The following NEB variants were observed in gnomAD, a reference collection of about 807,000 sequenced individuals.
NEB encodes the protein nemaline myopathy type 2.
A neutral mutation model predicts 952.2 loss-of-function variants in NEB; 512 were observed. That is an observed-to-expected ratio of 0.54 (90% CI 0.50 to 0.58). The LOEUF is 0.58. NEB is among the 20% of genes least tolerant of loss of function. NEB has a pLI of 0.00. For missense variants in NEB, 8,428 were observed against 9,231.1 expected, an observed-to-expected ratio of 0.91 and a Z score of 3.56; for synonymous variants, 2,900 against 3,149.8, an observed-to-expected ratio of 0.92 and a Z score of 2.66.
chr2:151,697,321 G>T (rs763686386), intron 15 of NEB, 29 bp downstream of exon 15: 25 of 1,610,198 alleles, frequency 1.6e-5, no homozygotes, highest in Non-Finnish European at 2.1e-5. Context: ...ATGTTATTTG[G>T]AAAGTCAAAC....
chr2:151,561,976 G>A (rs1412100758), intron 121 of NEB, 134 bp downstream of exon 121: 11 of 684,348 alleles, frequency 1.6e-5, no homozygotes, highest in African/African-American at 1.1e-4. Context: ...AGCTTTGATT[G>A]GGAGAGGAGG....
intron 4 of NEB, 91 bp downstream of exon 4, chr2:151,729,524 C>T (rs2099800613): frequency 7.0e-7 from 1 of 1,423,028 alleles, no homozygotes. Flanking sequence ...ATCCCTTTTG[C>T]CATCTTTGTG....
At position 151,568,135 on chromosome 2, in the gene NEB, T is replaced by C. The variant is rs2096491604; in HGVS notation, c.17780A>G (p.Tyr5927Cys). ...TGGCACAGCATCTGGAGGCAAAATG[T>C]AACCTGTGGCTTTTTGTCTCTCCCA... Reference protein sequence around the residue: ...EGWERQKATGYILPPDAVPFV... With the variant: ...EGWERQKATGCILPPDAVPFV... Residue 5927 changes from tyrosine (Y) to cysteine (C), a missense_variant, in exon 113 of 182, where the codon TAC becomes TGC. Physicochemically the swap from Tyr to Cys is radical, Grantham distance 194. Around this residue, in one of 11 missense-constraint regions of NEB, gnomAD observed 3,374 missense variants for 3,651.5 expected, o/e 0.92. Coordinates refer to ENST00000397345, the MANE Select transcript of NEB (RefSeq NM_001164508.2). 6.2e-7 allele frequency: 1 copy of C among 1,613,638 alleles called. No individual in the cohort carries two copies. The highest frequency in any genetic ancestry group is 1.3e-5 in the African/African-American group (1 of 74,924).
chr2:151,612,056 G>T, intron 78 of NEB, 130 bp downstream of exon 78: 1 of 943,706 alleles, frequency 1.1e-6, no homozygotes, highest in Non-Finnish European at 1.6e-6. Flanking sequence ...CAGATGCTCT[G>T]TTAAAGGCCT....
rs1204244391 is a variant in NEB at position 151,601,268 on chromosome 2, C to T, written c.13477-515G>A. Among the ~76,000 whole-genome samples, 753 of 118,880 alleles carry T rather than the reference C, an allele frequency of 6.3e-3. 1 individual carries two copies. Among genetic ancestry groups the T allele is most frequent in the African/African-American group, 0.024 (720 of 29,394 alleles). The allele number at this position is 118,880 out of a possible 152,430, so 78.0% of individuals were successfully genotyped here. A position where few individuals can be genotyped will look rare whatever the true frequency, so the allele number is the denominator to read the frequency against. On this transcript the variant is annotated intron_variant, in intron 88 of 181. Coordinates refer to ENST00000397345, the MANE Select transcript of NEB (RefSeq NM_001164508.2). ...GGATTACAGGCATCCGCCACCATGC[C>T]CAGCTAATTTTTGTATTTTTAGTAG...
chr2:151,618,327 G>A lies in NEB; in HGVS notation c.11024C>T (p.Thr3675Met), dbSNP rs201426239. ...RPETLKFTSI[T>M]DTPEQVLAKN... ...TGCCAGCACCTGCTCCGGAGTGTCC[G>A]TTATACTGGTAAATTTCAGCGTTTC... Residue 3675 changes from threonine to methionine, a missense_variant, in exon 74 of 182, where the codon ACG (threonine) becomes ATG (methionine). Physicochemically the swap from Thr to Met is moderately conservative, Grantham distance 81. Coordinates refer to ENST00000397345, the MANE Select transcript of NEB (RefSeq NM_001164508.2). The A allele has an allele frequency of 9.2e-5, 149 of 1,613,948 alleles. 1 individual carries two copies. In the East Asian group the frequency reaches 1.2e-3, roughly 13 times the overall value.
At position 151,697,576 on chromosome 2, in the gene NEB, G is replaced by C; in HGVS notation, c.1225C>G (p.Leu409Val). ...CTGAAGTTCTGCAGAACAGTATCGA[G>C]CTTGAATTTGGGGGTCTCGCAGTAA... is the stretch of plus-strand genomic sequence containing the variant. ...INYCETPKFKLDTVLQNFSSD... is the reference protein window; with the variant it reads ...INYCETPKFKVDTVLQNFSSD... The change falls in exon 14 of 182, where the codon CTC becomes GTC. Residue 409 changes from leucine to valine, a missense_variant. Transcript: ENST00000397345. The C allele has an allele frequency of 6.2e-7, 1 of 1,613,290 alleles. No individual in the cohort carries two copies. Among genetic ancestry groups the C allele is most frequent in the Non-Finnish European group, 8.5e-7 (1 of 1,179,720 alleles).
At chr2:151,618,888 T>A (rs1416540887) in intron 73 of NEB, among the ~76,000 whole-genome samples, 2 of 152,130 alleles carry the variant, frequency 1.3e-5, no homozygotes, top group African/African-American at 4.8e-5. Flanking sequence ...TCACAAAACT[T>A]CAAGTGTATA....
rs1171805914 is a variant in NEB at position 151,628,736 on chromosome 2, C to T, written c.9831+803G>A. 2.0e-5 allele frequency among the ~76,000 whole-genome samples: 3 copies of T among 152,148 alleles called. No homozygotes were observed. The East Asian group carries it at 5.8e-4, about 29-fold the overall frequency. ...AATTAGCCAAGTGTGGTGGCTGGTGCCTGTAATCCCAGTTACTTGGGAGGC... is the reference window on the plus strand; with the variant it reads ...AATTAGCCAAGTGTGGTGGCTGGTGTCTGTAATCCCAGTTACTTGGGAGGC... On this transcript the variant is annotated intron_variant, in intron 68 of 181. Coordinates refer to ENST00000397345, the MANE Select transcript of NEB (RefSeq NM_001164508.2).
At chr2:151,495,952 C>T (rs182563044) in intron 173 of NEB, among the ~76,000 whole-genome samples, 68 of 152,256 alleles carry the variant, frequency 4.5e-4, no homozygotes, top group Admixed American at 2.3e-3. Flanking sequence ...CCACCCCACA[C>T]GTACCCGTCC....
intron 44 of NEB, 137 bp from the exon 45 acceptor site, chr2:151,663,996 G>A (rs2099175935): frequency 2.5e-6 from 2 of 798,826 alleles, no homozygotes; most frequent in Non-Finnish European, 3.8e-6. Flanking sequence ...CTCGTGAGAG[G>A]GAGGGAGCAA....
chr2:151,639,833 C>A, intron 62 of NEB, 24 bp downstream of exon 62: 1 of 1,582,414 alleles, frequency 6.3e-7, no homozygotes. Flanking sequence ...AGCCCCACTT[C>A]GATTCTTAAT....
chr2:151,555,281 C>T (rs1577320821), intron 124 of NEB, among the ~76,000 whole-genome samples: 1 of 152,130 alleles, frequency 6.6e-6, no homozygotes, highest in South Asian at 2.1e-4. Flanking sequence ...AACCACAGAG[C>T]GCTATGAAAT....
chr2:151,546,310 G>T, intron 134 of NEB, 35 bp downstream of exon 134: 2 of 1,527,670 alleles, frequency 1.3e-6, no homozygotes, highest in South Asian at 1.2e-5. Context: ...CAGCTGTGCG[G>T]GGGGTAATTA....
At chr2:151,721,926 T>A (rs1181249922) in intron 9 of NEB, among the ~76,000 whole-genome samples, 2 of 152,262 alleles carry the variant, frequency 1.3e-5, no homozygotes, top group Non-Finnish European at 2.9e-5. Context: ...CGACTGTATC[T>A]GTGTTATATT....
In NEB at chr2:151,612,072, A is replaced by G. The variant is rs537878765; in HGVS notation, c.11805+114T>C. Reference sequence around the variant, plus strand: ...AGATGCTCTGTTAAAGGCCTGCATGAGAATCAGGCCTATGACACCTCCTTT... The same window carrying G: ...AGATGCTCTGTTAAAGGCCTGCATGGGAATCAGGCCTATGACACCTCCTTT... On this transcript the variant is annotated intron_variant, in intron 78 of 181. Transcript: ENST00000397345. 135 of 1,094,122 alleles carry G rather than the reference A, an allele frequency of 1.2e-4. 1 individual carries two copies. In the East Asian group the frequency reaches 2.4e-3, roughly 19 times the overall value. The allele number at this position is 1,094,122 out of a possible 1,614,324, so 67.8% of individuals were successfully genotyped here.
At chr2:151,649,915 AAC>A (rs1162550572) in intron 54 of NEB, among the ~76,000 whole-genome samples, 3 of 152,228 alleles carry the variant, frequency 2.0e-5, no homozygotes, top group Non-Finnish European at 4.4e-5. Context: ...TTCAAAGAAA[AAC>A]AGTTTGTTCG....
chr2:151,664,918 G>T, intron 42 of NEB, 55 bp from the exon 43 acceptor site: 3 of 1,262,930 alleles, frequency 2.4e-6, no homozygotes, highest in Non-Finnish European at 3.4e-6. Flanking sequence ...TTGACCCAAT[G>T]CTAGCAAGAG....
chr2:151,623,364 T>C (rs537127403), intron 71 of NEB, among the ~76,000 whole-genome samples: 3 of 152,276 alleles, frequency 2.0e-5, no homozygotes, highest in African/African-American at 7.2e-5. Context: ...CTCTACTTTA[T>C]ACTGTTCAGT....
Sources: allele counts gnomAD v4.1 joint callset (sites outside exome capture counted in the v4.1 genomes callset), GRCh38; gene constraint gnomAD v4.1.1; regional missense constraint gnomAD v4.1.1; transcripts MANE v1.5; gene names NCBI Gene and HGNC (gene_info 2026-07-23, HGNC 2026-07-21).